The following ENTREP2 variants were observed in gnomAD, a reference collection of about 807,000 sequenced individuals.
ENTREP2 encodes the protein protein ENTREP2.
At chr15:29,381,154 C>A in the ENTREP2 span, among the ~76,000 whole-genome samples, 1 of 148,782 alleles carries the variant, frequency 6.7e-6, no homozygotes, top group South Asian at 2.3e-4. Context: ...GCCGCATCCA[C>A]ACTTTTAAAA....
chr15:29,659,863 A>G, the ENTREP2 span, among the ~76,000 whole-genome samples: 2 of 151,340 alleles, frequency 1.3e-5, no homozygotes, highest in Admixed American at 6.6e-5. Flanking sequence ...GTGGTGCTAT[A>G]TGTCAGCTCA....
At chr15:29,527,955 A>C in the ENTREP2 span, among the ~76,000 whole-genome samples, 1 of 152,040 alleles carries the variant, frequency 6.6e-6, no homozygotes, top group Non-Finnish European at 1.5e-5. Flanking sequence ...CTCCAGCAAC[A>C]CACCAGTGCA....
the ENTREP2 span, among the ~76,000 whole-genome samples, chr15:29,384,261 A>C: frequency 6.6e-6 from 1 of 152,040 alleles, no homozygotes; most frequent in African/African-American, 2.4e-5. Flanking sequence ...TCTTTTTGTG[A>C]ATTCAAAATT....
chr15:29,155,199 G>A, the ENTREP2 span, among the ~76,000 whole-genome samples: 7 of 151,820 alleles, frequency 4.6e-5, no homozygotes, highest in South Asian at 2.1e-4. Context: ...GGAGAATGGC[G>A]TGAACCCAGG....
chr15:29,219,488 G>T, the ENTREP2 span, among the ~76,000 whole-genome samples: 11 of 150,958 alleles, frequency 7.3e-5, no homozygotes, highest in East Asian at 1.9e-4. Flanking sequence ...CAGAGGAAAA[G>T]AAGTGATTAT....
the ENTREP2 span, among the ~76,000 whole-genome samples, chr15:29,491,795 T>G: frequency 8.5e-5 from 13 of 152,304 alleles, no homozygotes; most frequent in African/African-American, 3.1e-4. Flanking sequence ...AGAAAACAAG[T>G]TTCCAATCAT....
the ENTREP2 span, chr15:29,267,600 T>G: frequency 6.6e-6 from 1 of 152,138 alleles, no homozygotes; most frequent in African/African-American, 2.4e-5. Flanking sequence ...TGTCCTGCTC[T>G]TATGTTCTAT....
the ENTREP2 span, among the ~76,000 whole-genome samples, chr15:29,124,067 G>C: frequency 1.4e-4 from 21 of 151,228 alleles, no homozygotes; most frequent in Non-Finnish European, 2.8e-4. Context: ...ACTGGGGGTG[G>C]CAGAGGGAAC....
At chr15:29,188,631 T>C in the ENTREP2 span, among the ~76,000 whole-genome samples, 53,416 of 152,058 alleles carry the variant, frequency 0.35, 9,638 homozygotes, top group East Asian at 0.55. Flanking sequence ...TCTTCTGTTT[T>C]AGTATTTGGT....
chr15:29,228,757 A>C, the ENTREP2 span, among the ~76,000 whole-genome samples: 1,356 of 152,320 alleles, frequency 8.9e-3, 19 homozygotes, highest in African/African-American at 0.031. Flanking sequence ...CCTTGCACAC[A>C]GAGGAACTTA....
chr15:29,642,564 C>CA, the ENTREP2 span, among the ~76,000 whole-genome samples: 4 of 145,066 alleles, frequency 2.8e-5, no homozygotes, highest in African/African-American at 1.0e-4. Flanking sequence ...CATATATATA[C>CA]TATATACTAT....
the ENTREP2 span, among the ~76,000 whole-genome samples, chr15:29,307,243 G>A: frequency 1.3e-4 from 20 of 151,362 alleles, no homozygotes; most frequent in African/African-American, 4.6e-4. Flanking sequence ...AGGAAAATTT[G>A]AACAGCCATG....
the ENTREP2 span, among the ~76,000 whole-genome samples, chr15:29,542,572 G>GA: frequency 2.0e-5 from 3 of 152,136 alleles, no homozygotes; most frequent in South Asian, 6.2e-4. Flanking sequence ...CCAAAGTGCT[G>GA]GGATTACAGG....
the ENTREP2 span, among the ~76,000 whole-genome samples, chr15:29,182,882 A>C: frequency 6.6e-6 from 1 of 152,180 alleles, no homozygotes; most frequent in Non-Finnish European, 1.5e-5. Flanking sequence ...CAAATATAGA[A>C]ACAGATTGGT....
the ENTREP2 span, among the ~76,000 whole-genome samples, chr15:29,166,970 G>C: frequency 6.6e-6 from 1 of 152,042 alleles, no homozygotes; most frequent in African/African-American, 2.4e-5. Context: ...ATAAAAATAA[G>C]CACATGGACC....
the ENTREP2 span, among the ~76,000 whole-genome samples, chr15:29,555,166 G>C: frequency 1.1e-4 from 17 of 152,226 alleles, no homozygotes; most frequent in Non-Finnish European, 2.2e-4. Flanking sequence ...ACTCATCTAT[G>C]ATCTGGAAGA....
chr15:29,269,599 G>A, the ENTREP2 span: 79 of 1,556,224 alleles, frequency 5.1e-5, no homozygotes, highest in Non-Finnish European at 6.6e-5. Flanking sequence ...GAGAACCCGG[G>A]CGTCTTCCCC....
At chr15:29,151,802 T>C in the ENTREP2 span, 1 of 1,551,490 alleles carries the variant, frequency 6.4e-7, no homozygotes, top group Non-Finnish European at 8.7e-7. Flanking sequence ...CACACGATAG[T>C]GGACAGGACG....
At chr15:29,546,916 C>A in the ENTREP2 span, among the ~76,000 whole-genome samples, 2 of 138,090 alleles carry the variant, frequency 1.4e-5, no homozygotes, top group African/African-American at 2.7e-5. Flanking sequence ...AAAAAAAAAA[C>A]GGATACAATT....
Sources: gnomAD v4.1 joint callset for allele counts (sites outside exome capture counted in the v4.1 genomes callset) on GRCh38, gnomAD v4.1.1 for gene constraint, MANE v1.5 for transcripts, NCBI Gene and HGNC (gene_info 2026-07-23, HGNC 2026-07-21) for gene names.